The following F11 variants were observed in gnomAD, a reference collection of about 807,000 sequenced individuals.
F11 encodes the protein coagualtion factor XI.
Under a neutral mutation model 76.5 loss-of-function variants are expected in F11, and 78 were observed. The observed-to-expected ratio is 1.02, with a 90% CI of 0.85 to 1.23. The LOEUF (loss-of-function observed/expected upper bound fraction) is 1.23. Among genes scored for constraint, F11 ranks in the 50% most tolerant of loss-of-function variants. The probability of loss-of-function intolerance (pLI) is 0.00; values close to 1 mark genes in which losing one functional copy is unlikely to be tolerated. For missense variants in F11, 742 were observed against 771.4 expected (o/e 0.96, Z 0.45); for synonymous variants, 278 against 276.3 (o/e 1.01, Z -0.06).
At position 186,288,583 on chromosome 4, in the gene F11, A is replaced by G; in HGVS notation, c.1847A>G (p.Asp616Gly). ...GVYTNVVEYV[D>G]WILEKTQAV ...TACACCAACGTGGTCGAGTACGTGGACTGGATTCTGGAGAAAACTCAAGCA... is the reference window on the plus strand; with the variant it reads ...TACACCAACGTGGTCGAGTACGTGGGCTGGATTCTGGAGAAAACTCAAGCA... Residue 616 changes from aspartate to glycine, a missense_variant, in exon 15 of 15, where the codon GAC becomes GGC. By Grantham distance (94) the Asp-to-Gly change is moderately conservative. Coordinates refer to ENST00000403665, the MANE Select transcript of F11 (RefSeq NM_000128.4). The G allele has an allele frequency of 6.2e-7, 1 of 1,614,112 alleles. No homozygotes were observed. The highest frequency in any genetic ancestry group is 8.5e-7 in the Non-Finnish European group (1 of 1,180,034).
At chr4:186,282,710 G>C in intron 10 of F11, 1 of 985,320 alleles carries the variant, frequency 1.0e-6, no homozygotes, top group Non-Finnish European at 1.2e-6. Flanking sequence ...AGAAATTCCA[G>C]AATAGATGGC....
intron 5 of F11, among the ~76,000 whole-genome samples, chr4:186,275,450 G>A (rs997751257): frequency 1.3e-5 from 2 of 152,082 alleles, no homozygotes; most frequent in Non-Finnish European, 2.9e-5. Flanking sequence ...AGCCAAGATC[G>A]TGCCATTGCA....
intron 13 of F11, chr4:186,286,803 C>CCAAGAAAGTAA: frequency 2.6e-6 from 2 of 755,574 alleles, no homozygotes; most frequent in Non-Finnish European, 3.2e-6. Flanking sequence ...CAATTACTTT[C>CCAAGAAAGTAA]TTGGGAAGTC....
At chr4:186,267,938 T>C (rs965670700) in intron 2 of F11, among the ~76,000 whole-genome samples, 5 of 152,226 alleles carry the variant, frequency 3.3e-5, no homozygotes, top group African/African-American at 2.4e-5. Context: ...TTCAATTTTC[T>C]CTGTGACAAG....
Position 186,275,976 on chromosome 4 carries a change from C to T in F11, c.595+80C>T, listed in dbSNP as rs1740343417. The T allele has an allele frequency of 5.0e-6, 6 of 1,191,294 alleles. No homozygotes were observed. In the South Asian group the frequency reaches 7.7e-5, roughly 15 times the overall value. The allele number at this position is 1,191,294 out of a possible 1,614,324, so 73.8% of individuals were successfully genotyped here. On this transcript the variant is annotated intron_variant, in intron 6 of 14. Coordinates refer to ENST00000403665, the MANE Select transcript of F11 (RefSeq NM_000128.4). ...CAGTAGATCTCACTCAGGATACCAG[C>T]TTATGCTCACGATGAAACGGACCCA...
At chr4:186,269,106 ATAT>A (rs757897926) in intron 2 of F11, among the ~76,000 whole-genome samples, 9 of 152,192 alleles carry the variant, frequency 5.9e-5, no homozygotes, top group Non-Finnish European at 1.3e-4. Context: ...CCTAAACAAA[ATAT>A]TATCCAACTT....
chr4:186,276,722 G>T (rs1740418103), intron 7 of F11, among the ~76,000 whole-genome samples: 1 of 151,190 alleles, frequency 6.6e-6, no homozygotes, highest in Non-Finnish European at 1.5e-5. Flanking sequence ...GAGTAGCTGG[G>T]ACTACAGGCA....
chr4:186,271,966 T>G (rs1451788924), intron 3 of F11, among the ~76,000 whole-genome samples, 195 bp downstream of exon 3: 2 of 152,200 alleles, frequency 1.3e-5, no homozygotes, highest in Non-Finnish European at 2.9e-5. Flanking sequence ...TGCCTCCAAG[T>G]GTAGACTTTC....
At chr4:186,274,834 A>G (rs1740246890) in intron 5 of F11, 1 of 174,204 alleles carries the variant, frequency 5.7e-6, no homozygotes, top group Non-Finnish European at 1.2e-5. Context: ...ATTAATTTGT[A>G]TATTCAGAAA....
chr4:186,288,201 C>T (rs1165329236), intron 14 of F11, among the ~76,000 whole-genome samples: 9 of 152,082 alleles, frequency 5.9e-5, no homozygotes, highest in Admixed American at 4.6e-4. Flanking sequence ...CGTGAGCCAC[C>T]GCGCCGGGCC....
intron 6 of F11, 26 bp from the exon 7 acceptor site, chr4:186,276,205 C>A: frequency 6.2e-7 from 1 of 1,613,872 alleles, no homozygotes; most frequent in Non-Finnish European, 8.5e-7. Context: ...GAATTGAGTC[C>A]CTGACATAGT....
intron 12 of F11, 81 bp downstream of exon 12, chr4:186,285,894 C>A: frequency 2.1e-6 from 3 of 1,422,268 alleles, no homozygotes; most frequent in Non-Finnish European, 3.0e-6. Flanking sequence ...TACGGCCTGA[C>A]CCTGCCAATC....
Position 186,280,396 on chromosome 4 carries a change from T to C in F11, c.1028+11T>C. 1 of 1,614,210 alleles carries C rather than the reference T, an allele frequency of 6.2e-7. No homozygotes were observed. The highest frequency in any genetic ancestry group is 8.5e-7 in the Non-Finnish European group (1 of 1,180,030). On this transcript the variant is annotated intron_variant, in intron 9 of 14. Transcript: ENST00000403665. Reference sequence around the variant, plus strand: ...CTGCAACGAAGGGAAGTAAGCCATATGAAGGGTTATGCAGACACCCTTGTC... The same window carrying C: ...CTGCAACGAAGGGAAGTAAGCCATACGAAGGGTTATGCAGACACCCTTGTC...
intron 7 of F11, 50 bp from the exon 8 acceptor site, chr4:186,279,962 T>C: frequency 7.2e-7 from 1 of 1,381,302 alleles, no homozygotes. Flanking sequence ...GTAAAAATGT[T>C]TTTATGTGTT....
intron 13 of F11, chr4:186,286,821 T>C (rs1226605198): frequency 1.7e-6 from 1 of 591,678 alleles, no homozygotes; most frequent in Non-Finnish European, 2.1e-6. Context: ...GTCATTCCAG[T>C]TAGAGTCATA....
chr4:186,286,113 A>G, intron 12 of F11: 1 of 519,502 alleles, frequency 1.9e-6, no homozygotes, highest in Non-Finnish European at 3.4e-6. Context: ...AAGATAATTT[A>G]TTAAAGATAA....
chr4:186,268,268 G>A (rs745938700), intron 2 of F11, among the ~76,000 whole-genome samples: 2 of 152,152 alleles, frequency 1.3e-5, no homozygotes, highest in Non-Finnish European at 2.9e-5. Flanking sequence ...ATCTAGAGAT[G>A]ATTTAAAGTA....
rs1000225845 is a variant in F11, at chr4:186,276,105, T to TA, written c.596-117dup. On this transcript the variant is annotated intron_variant, in intron 6 of 14. Transcript: ENST00000403665. ...AATAATCATGCCATTTTCTTCTAAA[T>TA]AAAAAAAAATTAAAAGATCTTGGGA... is the stretch of plus-strand genomic sequence containing the variant. 799 of 1,166,036 alleles carry TA rather than the reference T, an allele frequency of 6.9e-4. 3 individuals carry two copies. Among genetic ancestry groups the TA allele is most frequent in the Middle Eastern group, 7.9e-4 (3 of 3,812 alleles). 72.2% of individuals were successfully genotyped at this position (1,166,036 alleles called of 1,614,324 possible). A position where few individuals can be genotyped will look rare whatever the true frequency, so the allele number is the denominator to read the frequency against.
chr4:186,281,866 T>G, intron 10 of F11: 1 of 1,209,352 alleles, frequency 8.3e-7, no homozygotes, highest in South Asian at 1.5e-5. Flanking sequence ...AGAACTTGTT[T>G]TGTAGAACAT....
Sources: allele counts gnomAD v4.1 joint callset (sites outside exome capture counted in the v4.1 genomes callset), GRCh38; gene constraint gnomAD v4.1.1; transcripts MANE v1.5; gene names NCBI Gene and HGNC (gene_info 2026-07-23, HGNC 2026-07-21).